The following CCNT2 variants were observed in gnomAD, a reference collection of about 807,000 sequenced individuals.
The protein encoded by CCNT2 is cyclin T2.
A neutral mutation model predicts 70.0 loss-of-function variants in CCNT2; 18 were observed. The ratio of observed to expected loss-of-function variants is 0.26; its 90% CI spans 0.18 to 0.38. The LOEUF is 0.38. Ranked by LOEUF, CCNT2 falls within the 10% of genes least tolerant of loss-of-function variation. CCNT2 has a pLI of 1.00. For missense variants in CCNT2, 734 were observed against 890.2 expected, an observed-to-expected ratio of 0.82 and a Z score of 2.23; for synonymous variants, 334 against 313.3, an observed-to-expected ratio of 1.07 and a Z score of -0.70.
chr2:134,931,198 G>A (rs1169635031), intron 2 of CCNT2, among the ~76,000 whole-genome samples: 2 of 146,748 alleles, frequency 1.4e-5, no homozygotes, highest in Non-Finnish European at 1.5e-5. Flanking sequence ...TCCTGACCTC[G>A]TGATTTGCCT....
At position 134,953,345 on chromosome 2, in the gene CCNT2, C is replaced by G. The variant is rs763570996; in HGVS notation, c.890C>G (p.Thr297Arg). 3 of 1,607,532 alleles carry G rather than the reference C, an allele frequency of 1.9e-6. No individual in the cohort carries two copies. In the South Asian group the frequency reaches 3.3e-5, roughly 18 times the overall value. Residue 297 changes from threonine (T) to arginine (R), a missense_variant, in exon 9 of 9, where the codon ACA becomes AGA. Physicochemically the swap from Thr to Arg is moderately conservative, Grantham distance 71. This residue lies in a region of CCNT2 where 532 missense variants were observed against 556.9 expected (regional missense o/e 0.96). Transcript: ENST00000264157. The part of the protein sequence containing the change: ...ILVDSVTGVP[T>R]NPSFQKPSTS... ...GTAGATAGTGTCACTGGTGTGCCTA[C>G]AAACCCAAGTTTTCAGAAACCATCT... is the stretch of plus-strand genomic sequence containing the variant.
At chr2:134,930,347 C>T (rs576692973) in intron 2 of CCNT2, among the ~76,000 whole-genome samples, 4 of 152,270 alleles carry the variant, frequency 2.6e-5, no homozygotes, top group Non-Finnish European at 4.4e-5. Context: ...ATATTCTATT[C>T]GTCATGTGGC....
chr2:134,930,243 A>G (rs1016185931), intron 2 of CCNT2, among the ~76,000 whole-genome samples: 15 of 152,220 alleles, frequency 9.9e-5, no homozygotes, highest in Admixed American at 7.2e-4. Context: ...AAATGGAATC[A>G]TGTATATATG....
In CCNT2 at chr2:134,944,234, A is replaced by T. The variant is rs774983963; in HGVS notation, c.493+1560A>T. 1.1e-3 allele frequency: 1,032 copies of T among 982,184 alleles called. 2 individuals are homozygous for T. The highest frequency in any genetic ancestry group is 1.2e-3 in the Non-Finnish European group (977 of 827,148). The allele number at this position is 982,184 out of a possible 1,614,324, so 60.8% of individuals were successfully genotyped here. ...ATAACTAGTTGTAGTTGTTGAATTA[A>T]GGAAAAAGGGTTAGTTTTTTCTAAG... On this transcript the variant is annotated intron_variant, in intron 5 of 8. Transcript: ENST00000264157.
At chr2:134,952,324 T>G (rs1250269401) in intron 7 of CCNT2, among the ~76,000 whole-genome samples, 1 of 152,158 alleles carries the variant, frequency 6.6e-6, no homozygotes, top group Non-Finnish European at 1.5e-5. Context: ...ATCTTGTCTG[T>G]GACAAAAATT....
At chr2:134,919,037 T>G in intron 1 of CCNT2, 25 bp downstream of exon 1, 1 of 1,576,268 alleles carries the variant, frequency 6.3e-7, no homozygotes, top group East Asian at 2.3e-5. Context: ...TCGCCGCCGC[T>G]CACGCCCTGT....
chr2:134,941,855 T>G (rs1369747158), intron 4 of CCNT2, among the ~76,000 whole-genome samples: 1 of 152,186 alleles, frequency 6.6e-6, no homozygotes, highest in Non-Finnish European at 1.5e-5. Flanking sequence ...CTTTAAAGTA[T>G]TCTGCATATT....
chr2:134,919,971 T>C, intron 2 of CCNT2, 80 bp downstream of exon 2: 1 of 926,140 alleles, frequency 1.1e-6, no homozygotes, highest in Non-Finnish European at 1.8e-6. Context: ...GTCATTGCGT[T>C]GTTGGATTTA....
At chr2:134,952,577 C>A (rs999928092) in intron 7 of CCNT2, 64 bp from the exon 8 acceptor site, 3 of 922,966 alleles carry the variant, frequency 3.3e-6, no homozygotes, top group Admixed American at 4.7e-5. Flanking sequence ...TAATACTGCC[C>A]ACTTAAGAGA....
chr2:134,927,566 T>C (rs1680386689), intron 2 of CCNT2, among the ~76,000 whole-genome samples: 1 of 152,164 alleles, frequency 6.6e-6, no homozygotes, highest in South Asian at 2.1e-4. Flanking sequence ...GTGCATTGAG[T>C]GTTTGCATTG....
At chr2:134,919,052 C>A in intron 1 of CCNT2, 40 bp downstream of exon 1, 1 of 1,547,508 alleles carries the variant, frequency 6.5e-7, no homozygotes, top group East Asian at 2.3e-5. Context: ...CCCTGTTTCC[C>A]TTGCCCGGTC....
At position 134,954,741 on chromosome 2, in the gene CCNT2, C is replaced by G. The variant is rs1682823902; in HGVS notation, c.*93C>G. The G allele has an allele frequency of 1.4e-6, 1 of 725,020 alleles. No individual in the cohort carries two copies. The highest frequency in any genetic ancestry group is 2.4e-6 in the Non-Finnish European group (1 of 425,316). The allele number at this position is 725,020 out of a possible 1,614,324, so 44.9% of individuals were successfully genotyped here. ...TCTGATCTAGCAGTGGTAACCCCTG[C>G]TGTTGCTGCCACTGCTTCAATATTT... On this transcript the variant is annotated 3_prime_UTR_variant, in exon 9 of 9. Transcript: ENST00000264157.
chr2:134,936,914 A>G lies in CCNT2; in HGVS notation c.314A>G (p.Lys105Arg), dbSNP rs1333912339. ...EQARKLEHVI[K>R]VAHACLHPLE... ...GCTCGAAAACTTGAACATGTTATCA[A>G]AGTAGCACATGCTTGTCTTCATCCT... The change falls in exon 3 of 9, where the codon AAA (lysine) becomes AGA (arginine). Residue 105 changes from lysine (K) to arginine (R), a missense_variant. This residue lies in a region of CCNT2 where 161 missense variants were observed against 303.8 expected (regional missense o/e 0.53). Transcript: ENST00000264157. 5 of 1,611,330 alleles carry G rather than the reference A, an allele frequency of 3.1e-6. No individual in the cohort carries two copies. Among genetic ancestry groups the G allele is most frequent in the African/African-American group, 1.3e-5 (1 of 74,880 alleles).
In CCNT2 at chr2:134,959,153, CATTT is replaced by C. The variant is rs1402582226; in HGVS notation, c.*4506_*4509del. ...CATTTTATTAGGAAAAATACATACT[CATTT>C]GTTGTAAACAGTGATTGTGGGGTTT... On this transcript the variant is annotated 3_prime_UTR_variant, in exon 9 of 9. Transcript: ENST00000264157. The C allele has an allele frequency of 6.6e-6, 1 of 150,590 alleles. No homozygotes were observed. Among genetic ancestry groups the C allele is most frequent in the Admixed American group, 6.6e-5 (1 of 15,054 alleles). The allele number at this position is 150,590 out of a possible 1,614,324, so 9.3% of individuals were successfully genotyped here. A position where few individuals can be genotyped will look rare whatever the true frequency, so the allele number is the denominator to read the frequency against.
intron 3 of CCNT2, among the ~76,000 whole-genome samples, chr2:134,937,909 C>T (rs769714510): frequency 5.5e-4 from 84 of 151,842 alleles, no homozygotes; most frequent in Non-Finnish European, 8.4e-4. Context: ...AGTGAAACAC[C>T]GTCTCAAAAA....
intron 5 of CCNT2, 112 bp downstream of exon 5, chr2:134,942,786 G>A: frequency 7.2e-7 from 1 of 1,385,210 alleles, no homozygotes; most frequent in Non-Finnish European, 9.5e-7. Context: ...TTAAAATTAG[G>A]GAGAAATGTC....
At chr2:134,929,262 G>A (rs1182492685) in intron 2 of CCNT2, among the ~76,000 whole-genome samples, 1 of 152,026 alleles carries the variant, frequency 6.6e-6, no homozygotes, top group Admixed American at 6.6e-5. Context: ...GTTATGATTA[G>A]GCTTTCGGTT....
chr2:134,920,142 G>C lies in CCNT2; in HGVS notation c.240+251G>C, dbSNP rs373678032. The C allele has an allele frequency of 8.8e-6, 3 of 342,010 alleles. No individual in the cohort carries two copies. The East Asian group carries it at 2.0e-4, about 23-fold the overall frequency. 21.2% of individuals were successfully genotyped at this position (342,010 alleles called of 1,614,324 possible). On this transcript the variant is annotated intron_variant, in intron 2 of 8. Coordinates refer to ENST00000264157, the MANE Select transcript of CCNT2 (RefSeq NM_058241.3). ...AAAGAAAAACATTTATTTCTTTACA[G>C]AGTTATTACATAGGTTTTCTTCATT...
At chr2:134,949,872 T>C (rs905016754) in intron 7 of CCNT2, among the ~76,000 whole-genome samples, 62 of 151,810 alleles carry the variant, frequency 4.1e-4, no homozygotes, top group African/African-American at 1.5e-3. Flanking sequence ...CTCGGCTCGC[T>C]GCACCCTCCG....
Sources: allele counts gnomAD v4.1 joint callset (sites outside exome capture counted in the v4.1 genomes callset), GRCh38; gene constraint gnomAD v4.1.1; regional missense constraint gnomAD v4.1.1; transcripts MANE v1.5; gene names NCBI Gene and HGNC (gene_info 2026-07-23, HGNC 2026-07-21).